MAGI2: variants seen among roughly 807,000 people sequenced by gnomAD.
The protein encoded by MAGI2 is membrane associated guanylate kinase, WW and PDZ domain containing 2, also known as membrane-associated guanylate kinase, WW and PDZ domain-containing protein 2.
A neutral mutation model predicts 133.3 loss-of-function variants in MAGI2; 35 were observed. The ratio of observed to expected loss-of-function variants is 0.26; its 90% CI spans 0.20 to 0.35. MAGI2 has a LOEUF of 0.35. Among genes scored for constraint, MAGI2 ranks in the 10% least tolerant of loss-of-function variants. The pLI, the probability that MAGI2 is intolerant of heterozygous loss-of-function variation, is 1.00. For missense variants in MAGI2, 1,636 were observed against 1,863.4 expected, an observed-to-expected ratio of 0.88 and a Z score of 2.25; for synonymous variants, 729 against 710.6, an observed-to-expected ratio of 1.03 and a Z score of -0.41.
chr7:78,973,647 A>G (rs1372755811), intron 2 of MAGI2, among the ~76,000 whole-genome samples: 1 of 151,184 alleles, frequency 6.6e-6, no homozygotes, highest in African/African-American at 2.4e-5. Context: ...TTTCTTTTCT[A>G]GTTGTCTTTC....
At chr7:78,852,858 T>C (rs1793259938) in intron 2 of MAGI2, among the ~76,000 whole-genome samples, 1 of 152,142 alleles carries the variant, frequency 6.6e-6, no homozygotes, top group African/African-American at 2.4e-5. Context: ...ATTTGGATTA[T>C]AGTCAGTCTC....
At chr7:79,179,428 T>TTCC (rs1562967348) in intron 1 of MAGI2, among the ~76,000 whole-genome samples, 2 of 151,934 alleles carry the variant, frequency 1.3e-5, no homozygotes, top group Non-Finnish European at 2.9e-5. Flanking sequence ...AAAACAATCA[T>TTCC]ACAATTCATG....
At chr7:79,001,713 AT>A (rs1806875444) in intron 2 of MAGI2, among the ~76,000 whole-genome samples, 1 of 152,216 alleles carries the variant, frequency 6.6e-6, no homozygotes, top group African/African-American at 2.4e-5. Context: ...ACATTTGCAA[AT>A]TAATCCAATA....
chr7:79,336,085 A>G (rs1463954845), intron 1 of MAGI2, among the ~76,000 whole-genome samples: 1 of 152,138 alleles, frequency 6.6e-6, no homozygotes, highest in Admixed American at 6.6e-5. Context: ...ACTCAAATTG[A>G]TAATTCAGAA....
At chr7:78,094,981 A>G (rs1397059177) in intron 20 of MAGI2, among the ~76,000 whole-genome samples, 1 of 152,126 alleles carries the variant, frequency 6.6e-6, no homozygotes, top group African/African-American at 2.4e-5. Flanking sequence ...CATCTAAGGA[A>G]GTGCTGGTAG....
chr7:78,657,627 A>T (rs779758139), intron 2 of MAGI2, among the ~76,000 whole-genome samples: 52 of 84,918 alleles, frequency 6.1e-4, no homozygotes, highest in Non-Finnish European at 1.1e-3. Flanking sequence ...GGCGACTTTA[A>T]GAAGATCAGT....
chr7:78,720,483 C>T (rs577468163), intron 2 of MAGI2, among the ~76,000 whole-genome samples: 7 of 151,914 alleles, frequency 4.6e-5, no homozygotes, highest in Non-Finnish European at 1.0e-4. Flanking sequence ...TAAAATCAGT[C>T]ATCTTAACCA....
At chr7:78,798,480 C>A (rs998810739) in intron 2 of MAGI2, among the ~76,000 whole-genome samples, 1 of 152,154 alleles carries the variant, frequency 6.6e-6, no homozygotes, top group Non-Finnish European at 1.5e-5. Context: ...CACCCATGGT[C>A]TCTCCTTAGG....
At chr7:78,669,792 C>T (rs1008760832) in intron 2 of MAGI2, among the ~76,000 whole-genome samples, 14 of 152,120 alleles carry the variant, frequency 9.2e-5, no homozygotes, top group African/African-American at 3.4e-4. Flanking sequence ...AAATGTAATC[C>T]AGCATATAAC....
chr7:79,160,674 A>G (rs1163234726), intron 1 of MAGI2, among the ~76,000 whole-genome samples: 1 of 149,760 alleles, frequency 6.7e-6, no homozygotes, highest in African/African-American at 2.5e-5. Flanking sequence ...ATCCTAGTAA[A>G]GTGGATACAT....
chr7:78,930,961 G>A lies in MAGI2; in HGVS notation c.418+76129C>T, dbSNP rs140461559. On this transcript the variant is annotated intron_variant, in intron 2 of 21. Coordinates refer to ENST00000354212, the MANE Select transcript of MAGI2 (RefSeq NM_012301.4). ...ATTGTAAAAAATGCCACTGCGAAAC[G>A]AATTTCTATTTTGCTATTTAGGAGG... Among the ~76,000 whole-genome samples, 202 of 152,192 alleles carry A rather than the reference G, an allele frequency of 1.3e-3. 8 individuals are homozygous for A. The South Asian group carries it at 0.04, about 30-fold the overall frequency.
intron 1 of MAGI2, among the ~76,000 whole-genome samples, chr7:79,226,868 T>C (rs908727049): frequency 6.6e-6 from 1 of 152,184 alleles, no homozygotes; most frequent in Admixed American, 6.5e-5. Context: ...TGAAATCTCA[T>C]TAAAAATACA....
chr7:78,825,510 G>A (rs1409382550), intron 2 of MAGI2, among the ~76,000 whole-genome samples: 1 of 152,160 alleles, frequency 6.6e-6, no homozygotes, highest in Non-Finnish European at 1.5e-5. Flanking sequence ...TCTCATTTGT[G>A]ACATCATTTT....
rs1808084499 is a variant in MAGI2 at position 78,019,496 on chromosome 7, C to T, written c.4187G>A (p.Gly1396Asp). The change falls in exon 22 of 22, where the codon GGC (glycine) becomes GAC (aspartate). Residue 1396 changes from glycine (G) to aspartate (D), a missense_variant. Gly to Asp is a moderately conservative substitution (Grantham distance 94). Around this residue, in one of 5 missense-constraint regions of MAGI2, gnomAD observed 354 missense variants for 298.7 expected, o/e 1.19. Coordinates refer to ENST00000354212, the MANE Select transcript of MAGI2 (RefSeq NM_012301.4). ...GCCCTCGGCCTCCAGCGCGCCGCTG[C>T]CGCCGCCGCCCGGGCCGGCAAACGC... Reference protein sequence around the residue: ...APAFAGPGGGGSGALEAEGRA... With the variant: ...APAFAGPGGGDSGALEAEGRA... The T allele has an allele frequency of 8.2e-6, 8 of 980,228 alleles. No homozygotes were observed. The South Asian group carries it at 3.2e-4, about 39-fold the overall frequency. 60.7% of individuals were successfully genotyped at this position (980,228 alleles called of 1,614,324 possible).
intron 4 of MAGI2, among the ~76,000 whole-genome samples, chr7:78,502,129 G>A (rs945846038): frequency 1.3e-5 from 2 of 152,116 alleles, no homozygotes; most frequent in Admixed American, 1.3e-4. Flanking sequence ...ACCTTACATG[G>A]CAAAAGATGA....
intron 2 of MAGI2, among the ~76,000 whole-genome samples, chr7:78,752,262 T>C (rs1823522529): frequency 1.3e-5 from 2 of 152,242 alleles, no homozygotes; most frequent in South Asian, 4.1e-4. Flanking sequence ...CTTGATTTTG[T>C]CTGTTTTTGA....
chr7:78,799,577 A>T (rs1787895889), intron 2 of MAGI2, among the ~76,000 whole-genome samples: 1 of 152,154 alleles, frequency 6.6e-6, no homozygotes, highest in Non-Finnish European at 1.5e-5. Flanking sequence ...TCCACTTGGG[A>T]CCCTCTTCTG....
chr7:79,058,761 A>T (rs550510638), intron 1 of MAGI2, among the ~76,000 whole-genome samples: 9 of 152,244 alleles, frequency 5.9e-5, no homozygotes, highest in Admixed American at 3.9e-4. Flanking sequence ...AACGCAAAAC[A>T]CTTACACCTG....
intron 1 of MAGI2, among the ~76,000 whole-genome samples, chr7:79,217,123 C>T (rs984259551): frequency 2.6e-5 from 4 of 152,024 alleles, no homozygotes; most frequent in South Asian, 2.1e-4. Flanking sequence ...ACTTTGAATG[C>T]GGAGTTTGAC....
Sources: gnomAD v4.1 joint callset for allele counts (sites outside exome capture counted in the v4.1 genomes callset) on GRCh38, gnomAD v4.1.1 for gene constraint, gnomAD v4.1.1 regional missense constraint, MANE v1.5 for transcripts, NCBI Gene and HGNC (gene_info 2026-07-23, HGNC 2026-07-21) for gene names.